The following CARNMT1 variants were observed in gnomAD, a reference collection of about 807,000 sequenced individuals.
CARNMT1 encodes carnosine N-methyltransferase 1, also known as protein-L-histidine N-pros-methyltransferase CARNMT1.
In CARNMT1, 28 loss-of-function variants were observed where a neutral mutation model predicts 49.6. The ratio of observed to expected loss-of-function variants is 0.56; its 90% CI spans 0.42 to 0.77. The LOEUF (loss-of-function observed/expected upper bound fraction) is 0.77, where lower values mean the gene tolerates loss of function less well. CARNMT1 is among the 30% of genes least tolerant of loss of function. The pLI is 0.00. For missense variants in CARNMT1, 421 were observed against 512.6 expected, an observed-to-expected ratio of 0.82 and a Z score of 1.73; for synonymous variants, 178 against 175.0, an observed-to-expected ratio of 1.02 and a Z score of -0.13.
chr9:74,984,304 T>C (rs1222376284), intron 7 of CARNMT1, among the ~76,000 whole-genome samples: 1 of 152,162 alleles, frequency 6.6e-6, no homozygotes, highest in Non-Finnish European at 1.5e-5. Flanking sequence ...CGACCCCCTT[T>C]TGTTTTCCCC....
chr9:74,994,439 C>CT (rs577055086), intron 6 of CARNMT1, among the ~76,000 whole-genome samples: 93 of 151,848 alleles, frequency 6.1e-4, no homozygotes, highest in African/African-American at 1.1e-3. Context: ...TTTGTTTTGG[C>CT]TTTTTTTTGA....
rs1833271931 is a variant in CARNMT1 at position 74,998,789 on chromosome 9, A to G, written c.732-13T>C. On this transcript the variant is annotated splice_polypyrimidine_tract_variant and intron_variant, in intron 4 of 7. Transcript: ENST00000376834. ...AATTTCAGAACATCTGCAAAATATGAGTATAAAATCAGGTGTTAACTAAAT... is the reference window on the plus strand; with the variant it reads ...AATTTCAGAACATCTGCAAAATATGGGTATAAAATCAGGTGTTAACTAAAT... 3 of 1,481,102 alleles carry G rather than the reference A, an allele frequency of 2.0e-6. No individual in the cohort carries two copies. Among genetic ancestry groups the G allele is most frequent in the African/African-American group, 1.4e-5 (1 of 71,380 alleles). The allele number at this position is 1,481,102 out of a possible 1,614,324, so 91.7% of individuals were successfully genotyped here.
At chr9:75,012,837 G>C (rs2118844721) in intron 3 of CARNMT1, among the ~76,000 whole-genome samples, 1 of 151,214 alleles carries the variant, frequency 6.6e-6, no homozygotes, top group East Asian at 2.0e-4. Flanking sequence ...AGAATGGCGT[G>C]AACCCGGGAG....
At position 74,989,614 on chromosome 9, in the gene CARNMT1, G is replaced by A. The variant is rs140217902; in HGVS notation, c.1025-4604C>T. On this transcript the variant is annotated intron_variant, in intron 6 of 7. Transcript: ENST00000376834. ...TGGAGGGAGGGACCTGGTGGGAGGTGACTGGATCATAGGGGTGGCTCCCCC... is the reference window on the plus strand; with the variant it reads ...TGGAGGGAGGGACCTGGTGGGAGGTAACTGGATCATAGGGGTGGCTCCCCC... Among the ~76,000 whole-genome samples the A allele has an allele frequency of 2.3e-4, 35 of 152,274 alleles. No individual in the cohort carries two copies. In the South Asian group the frequency reaches 3.5e-3, roughly 15 times the overall value.
chr9:75,004,593 C>A (rs1052798204), intron 3 of CARNMT1, among the ~76,000 whole-genome samples: 11 of 152,180 alleles, frequency 7.2e-5, no homozygotes, highest in Non-Finnish European at 7.4e-5. Flanking sequence ...TCTACATTTT[C>A]TCCAATTTCC....
rs5898389 is a variant in CARNMT1 at position 74,981,911 on chromosome 9, GTTT to G, written c.*1853_*1855del. ...TTCTTCTTTTAAAACAATAATTTGA[GTTT>G]TTTTTTTCTTCCTTGCCACTAAATT... On this transcript the variant is annotated 3_prime_UTR_variant, in exon 8 of 8. Transcript: ENST00000376834. 3.4e-5 allele frequency: 5 copies of G among 146,648 alleles called. No homozygotes were observed. 9.1% of individuals were successfully genotyped at this position (146,648 alleles called of 1,614,324 possible).
At position 74,984,936 on chromosome 9, in the gene CARNMT1, C is replaced by T. The variant is rs1163510506; in HGVS notation, c.1099G>A (p.Val367Ile). ...IELSYEDIKN[V>I]VLQYGFKVEV... ...ACCTTGAATCCATACTGCAGAACAA[C>T]GTTTTTTATATCCTCATAGCTCAAT... The change falls in exon 7 of 8, where the codon GTT (valine) becomes ATT (isoleucine). Residue 367 changes from valine to isoleucine, a missense_variant. This residue lies in a region of CARNMT1 where 235 missense variants were observed against 344.8 expected (regional missense o/e 0.68). Transcript: ENST00000376834. 1.2e-6 allele frequency: 2 copies of T among 1,613,640 alleles called. No individual in the cohort carries two copies. Among genetic ancestry groups the T allele is most frequent in the Admixed American group, 1.7e-5 (1 of 60,000 alleles).
chr9:74,996,668 CAG>C (rs1833196860), intron 5 of CARNMT1, 108 bp from the exon 6 acceptor site: 1 of 607,340 alleles, frequency 1.6e-6, no homozygotes. Flanking sequence ...TAATATTTGA[CAG>C]AGATACAGAA....
chr9:75,017,426 T>C lies in CARNMT1; in HGVS notation c.253A>G (p.Asn85Asp), dbSNP rs749432499. 6.2e-7 allele frequency: 1 copy of C among 1,613,964 alleles called. No homozygotes were observed. Among genetic ancestry groups the C allele is most frequent in the African/African-American group, 1.3e-5 (1 of 74,946 alleles). Residue 85 changes from asparagine to aspartate, a missense_variant, in exon 2 of 8, where the codon AAC (asparagine) becomes GAC (aspartate). Physicochemically the swap from Asn to Asp is conservative, Grantham distance 23. Transcript: ENST00000376834. ...GATCGAAACTGTCTTTCTGTTCGGT[T>C]CACCCGCTCATGCATACTGGTGCTA... ...YYGTSMHERV[N>D]RTERQFRSLP...
intron 6 of CARNMT1, among the ~76,000 whole-genome samples, chr9:74,990,040 A>T (rs1241833047): frequency 2.6e-5 from 4 of 152,342 alleles, no homozygotes; most frequent in Non-Finnish European, 4.4e-5. Context: ...CATTTCCAGA[A>T]GAAACAGAGA....
chr9:75,020,613 T>C (rs1822319108), intron 1 of CARNMT1, among the ~76,000 whole-genome samples: 1 of 152,180 alleles, frequency 6.6e-6, no homozygotes, highest in Non-Finnish European at 1.5e-5. Flanking sequence ...TCTTTGTCAT[T>C]TGGTTTCTTA....
intron 1 of CARNMT1, among the ~76,000 whole-genome samples, chr9:75,019,708 C>CCT (rs1169895420): frequency 2.0e-5 from 3 of 152,176 alleles, no homozygotes; most frequent in African/African-American, 7.2e-5. Context: ...CTTGTAACCC[C>CCT]CTCTTTAAGA....
At position 74,983,881 on chromosome 9, in the gene CARNMT1, C is replaced by T. The variant is rs1248198799; in HGVS notation, c.1129-13G>A. ...ATTCTTTTTCCACCTGCAATGCAAACAATAATCATAATACTATGACAGTCA... is the reference window on the plus strand; with the variant it reads ...ATTCTTTTTCCACCTGCAATGCAAATAATAATCATAATACTATGACAGTCA... On this transcript the variant is annotated splice_polypyrimidine_tract_variant and intron_variant, in intron 7 of 7. Transcript: ENST00000376834. 5 of 1,568,056 alleles carry T rather than the reference C, an allele frequency of 3.2e-6. No homozygotes were observed. The highest frequency in any genetic ancestry group is 1.2e-5 in the South Asian group (1 of 85,636).
Position 74,981,410 on chromosome 9 carries a change from A to T in CARNMT1, c.*2357T>A, listed in dbSNP as rs1011114155. On this transcript the variant is annotated 3_prime_UTR_variant, in exon 8 of 8. Coordinates refer to ENST00000376834, the MANE Select transcript of CARNMT1 (RefSeq NM_152420.3). ...ACATTTTAAACTTTAAGGCTTACAT[A>T]CTTTAGTAGCTAGGACTAAAATTAA... 1 of 152,196 alleles carries T rather than the reference A, an allele frequency of 6.6e-6. No individual in the cohort carries two copies. The highest frequency in any genetic ancestry group is 1.5e-5 in the Non-Finnish European group (1 of 68,006). 9.4% of individuals were successfully genotyped at this position (152,196 alleles called of 1,614,324 possible).
At chr9:74,994,664 A>G (rs1035226897) in intron 6 of CARNMT1, among the ~76,000 whole-genome samples, 2 of 152,182 alleles carry the variant, frequency 1.3e-5, no homozygotes, top group Non-Finnish European at 2.9e-5. Flanking sequence ...AAAATGAAAA[A>G]CACAGATTAG....
At chr9:75,014,251 T>C (rs943879342) in intron 3 of CARNMT1, among the ~76,000 whole-genome samples, 2 of 152,196 alleles carry the variant, frequency 1.3e-5, no homozygotes, top group Non-Finnish European at 1.5e-5. Flanking sequence ...TTAGTAGGTT[T>C]CTTTTTCACA....
chr9:74,995,730 T>G (rs1157429543), intron 6 of CARNMT1, among the ~76,000 whole-genome samples: 1 of 152,164 alleles, frequency 6.6e-6, no homozygotes, highest in Non-Finnish European at 1.5e-5. Flanking sequence ...ATAATCCTTA[T>G]CTTGAAAACC....
intron 3 of CARNMT1, among the ~76,000 whole-genome samples, chr9:75,013,200 G>A (rs1213797213): frequency 2.0e-5 from 3 of 151,892 alleles, no homozygotes; most frequent in African/African-American, 7.3e-5. Flanking sequence ...ATCCTTACTG[G>A]GTATAATTTA....
chr9:75,024,899 A>G (rs547570849), intron 1 of CARNMT1, among the ~76,000 whole-genome samples: 1 of 152,218 alleles, frequency 6.6e-6, no homozygotes, highest in Non-Finnish European at 1.5e-5. Context: ...AGCCGTACCA[A>G]TAACATAAAC....
Sources: gnomAD v4.1 joint callset for allele counts (sites outside exome capture counted in the v4.1 genomes callset) on GRCh38, gnomAD v4.1.1 for gene constraint, gnomAD v4.1.1 regional missense constraint, MANE v1.5 for transcripts, NCBI Gene and HGNC (gene_info 2026-07-23, HGNC 2026-07-21) for gene names.